ERBB4: variants seen among roughly 807,000 people sequenced by gnomAD.
The protein encoded by ERBB4 is erb-b2 receptor tyrosine kinase 4, also known as receptor tyrosine-protein kinase erbB-4.
A neutral mutation model predicts 158.0 loss-of-function variants in ERBB4; 42 were observed. The ratio of observed to expected loss-of-function variants is 0.27; its 90% confidence interval spans 0.21 to 0.34. ERBB4 has a LOEUF of 0.34. Among genes scored for constraint, ERBB4 ranks in the 10% least tolerant of loss-of-function variants. The pLI, the probability that ERBB4 is intolerant of heterozygous loss-of-function variation, is 1.00. For missense variants in ERBB4, 1,333 were observed against 1,624.1 expected (o/e 0.82, Z 3.08); for synonymous variants, 583 against 558.7 (o/e 1.04, Z -0.61).
intron 18 of ERBB4, among the ~76,000 whole-genome samples, chr2:211,620,267 A>G (rs886274706): frequency 1.3e-5 from 2 of 152,186 alleles, no homozygotes; most frequent in African/African-American, 4.8e-5. Flanking sequence ...ATCAGAAAAT[A>G]TTTCTTATAA....
At chr2:211,982,340 G>A (rs1419780383) in intron 2 of ERBB4, among the ~76,000 whole-genome samples, 3 of 152,072 alleles carry the variant, frequency 2.0e-5, no homozygotes, top group Admixed American at 2.0e-4. Context: ...GTTTCCTAGA[G>A]GCTGCCTTGA....
intron 20 of ERBB4, among the ~76,000 whole-genome samples, chr2:211,561,277 A>G (rs1293160555): frequency 6.6e-6 from 1 of 152,186 alleles, no homozygotes; most frequent in Non-Finnish European, 1.5e-5. Context: ...AAATTAAAAG[A>G]TCAGCTAACT....
chr2:211,570,746 G>C (rs2067700127), intron 19 of ERBB4, among the ~76,000 whole-genome samples: 1 of 151,984 alleles, frequency 6.6e-6, no homozygotes, highest in African/African-American at 2.4e-5. Context: ...TGCCCTATCT[G>C]TACATTAGGG....
intron 20 of ERBB4, among the ~76,000 whole-genome samples, chr2:211,560,159 T>C (rs2067345575): frequency 6.6e-6 from 1 of 151,394 alleles, no homozygotes; most frequent in Admixed American, 6.6e-5. Context: ...GAGTGTACAA[T>C]GTCATATAAA....
chr2:211,676,564 A>G, intron 13 of ERBB4, among the ~76,000 whole-genome samples: 1 of 149,318 alleles, frequency 6.7e-6, no homozygotes, highest in South Asian at 2.1e-4. Flanking sequence ...GTGTTCTGGG[A>G]AAAAAACAAA....
intron 1 of ERBB4, among the ~76,000 whole-genome samples, chr2:212,271,632 T>C (rs2085346745): frequency 6.6e-6 from 1 of 151,784 alleles, no homozygotes; most frequent in Non-Finnish European, 1.5e-5. Context: ...TTGTTTACAA[T>C]TGTCAATGTA....
chr2:212,462,962 G>A (rs1424586357), intron 1 of ERBB4, among the ~76,000 whole-genome samples: 1 of 152,080 alleles, frequency 6.6e-6, no homozygotes, highest in Non-Finnish European at 1.5e-5. Flanking sequence ...CAACATGGAT[G>A]AGCCAGGAAG....
At chr2:212,334,569 T>C (rs2088337907) in intron 1 of ERBB4, among the ~76,000 whole-genome samples, 1 of 152,032 alleles carries the variant, frequency 6.6e-6, no homozygotes, top group African/African-American at 2.4e-5. Context: ...TAATATAGAA[T>C]TTATTTTAGC....
At chr2:212,438,501 C>T (rs558451832) in intron 1 of ERBB4, among the ~76,000 whole-genome samples, 1 of 152,078 alleles carries the variant, frequency 6.6e-6, no homozygotes, top group South Asian at 2.1e-4. Context: ...TTAGTAAGCA[C>T]ACAGTATGTG....
At chr2:211,934,046 T>C (rs1384217392) in intron 3 of ERBB4, among the ~76,000 whole-genome samples, 1 of 152,050 alleles carries the variant, frequency 6.6e-6, no homozygotes, top group Non-Finnish European at 1.5e-5. Context: ...AGGAATTACA[T>C]GCGTTTCAAT....
chr2:211,999,092 T>A (rs1477666202), intron 2 of ERBB4, among the ~76,000 whole-genome samples: 1 of 151,726 alleles, frequency 6.6e-6, no homozygotes. Context: ...ATAACTAGAT[T>A]TTTGAGGAAT....
At chr2:212,081,241 C>T (rs768914794) in intron 2 of ERBB4, among the ~76,000 whole-genome samples, 9 of 152,086 alleles carry the variant, frequency 5.9e-5, no homozygotes, top group Admixed American at 6.6e-5. Context: ...CAGTGATCAA[C>T]CAAACTGCAG....
chr2:212,307,558 T>C (rs2086856080), intron 1 of ERBB4, among the ~76,000 whole-genome samples: 2 of 150,880 alleles, frequency 1.3e-5, no homozygotes, highest in Admixed American at 1.3e-4. Flanking sequence ...TTTCGCACAG[T>C]TTTTATGTAA....
In ERBB4 at chr2:211,554,993, T is replaced by C. The variant is rs568606940; in HGVS notation, c.2487+6910A>G. On this transcript the variant is annotated intron_variant, in intron 20 of 27. Transcript: ENST00000342788. ...TTGCCCAACTTATTAGCAACAACGA[T>C]AAAAGACGAAATTTTCATGATTTCC... Among the ~76,000 whole-genome samples the C allele has an allele frequency of 1.7e-4, 26 of 152,290 alleles. No homozygotes were observed. In the South Asian group the frequency reaches 5.4e-3, roughly 32 times the overall value.
intron 3 of ERBB4, among the ~76,000 whole-genome samples, chr2:211,881,547 A>C (rs532604694): frequency 8.1e-6 from 1 of 123,338 alleles, no homozygotes; most frequent in African/African-American, 3.2e-5. Flanking sequence ...AATGGGCAAC[A>C]TGGAGCAGCT....
Position 211,771,231 on chromosome 2 carries a change from C to T in ERBB4, c.556+16794G>A, listed in dbSNP as rs529390813. On this transcript the variant is annotated intron_variant, in intron 4 of 27. Transcript: ENST00000342788. ...AAACCTTAATCTAGTTACCTGTGGA[C>T]ATGACGAACCTTGGCCTTTCGTGCT... 3.3e-5 allele frequency among the ~76,000 whole-genome samples: 5 copies of T among 152,328 alleles called. No individual in the cohort carries two copies. In the South Asian group the frequency reaches 1.0e-3, roughly 32 times the overall value.
chr2:211,668,466 C>T (rs1553606218), intron 14 of ERBB4, among the ~76,000 whole-genome samples: 1 of 152,092 alleles, frequency 6.6e-6, no homozygotes, highest in Non-Finnish European at 1.5e-5. Flanking sequence ...ATGAATTGAT[C>T]AGTGCAATAA....
intron 1 of ERBB4, among the ~76,000 whole-genome samples, chr2:212,532,488 C>A (rs1029692873): frequency 2.2e-5 from 2 of 92,246 alleles, no homozygotes. Flanking sequence ...AATTAAAAAC[C>A]AATAAACTTT....
At chr2:212,212,532 T>G (rs2082968550) in intron 1 of ERBB4, among the ~76,000 whole-genome samples, 1 of 146,160 alleles carries the variant, frequency 6.8e-6, no homozygotes, top group African/African-American at 2.6e-5. Flanking sequence ...AAAACTATCA[T>G]TGACATTCTT....
Sources: allele counts gnomAD v4.1 joint callset (sites outside exome capture counted in the v4.1 genomes callset), GRCh38; gene constraint gnomAD v4.1.1; transcripts MANE v1.5; gene names NCBI Gene and HGNC (gene_info 2026-07-23, HGNC 2026-07-21).